MYCL: variants seen among roughly 807,000 people sequenced by gnomAD.
The protein encoded by MYCL is protein L-Myc.
MYCL carries 11 observed loss-of-function variants against 31.0 expected under a neutral mutation model. That is an observed-to-expected ratio of 0.35 (90% CI 0.22 to 0.59). MYCL has a LOEUF of 0.59. Among genes scored for constraint, MYCL ranks in the 20% least tolerant of loss-of-function variants. The pLI, the probability that MYCL is intolerant of heterozygous loss-of-function variation, is 0.79. For missense variants in MYCL, 427 were observed against 486.1 expected, an observed-to-expected ratio of 0.88 and a Z score of 1.14; for synonymous variants, 208 against 202.4, an observed-to-expected ratio of 1.03 and a Z score of -0.23.
At position 39,901,912 on chromosome 1, in the gene MYCL, G is replaced by A. The variant is rs1388714849; in HGVS notation, c.-478C>T. 1.3e-5 allele frequency: 14 copies of A among 1,114,928 alleles called. No individual in the cohort carries two copies. The highest frequency in any genetic ancestry group is 1.5e-5 in the Non-Finnish European group (14 of 908,804). 69.1% of individuals were successfully genotyped at this position (1,114,928 alleles called of 1,614,324 possible). ...ATGCGCGCCGCCGAGAGCGCGGCCCGCACTCACAAGCGCGCCCCCCCCGCG... is the reference window on the plus strand; with the variant it reads ...ATGCGCGCCGCCGAGAGCGCGGCCCACACTCACAAGCGCGCCCCCCCCGCG... On this transcript the variant is annotated 5_prime_UTR_variant, in exon 1 of 2. Transcript: ENST00000372816. This position sits in a 1 kb window ranked among gnomAD's most constrained non-coding sequence, Gnocchi z 6.9.
At position 39,901,812 on chromosome 1, in the gene MYCL, C is replaced by A; in HGVS notation, c.-378G>T. 7.8e-7 allele frequency: 1 copy of A among 1,276,780 alleles called. No homozygotes were observed. 79.1% of individuals were successfully genotyped at this position (1,276,780 alleles called of 1,614,324 possible). On this transcript the variant is annotated 5_prime_UTR_variant, in exon 1 of 2. Transcript: ENST00000372816. The surrounding 1 kb of genome is among the most constrained non-coding windows in gnomAD (Gnocchi z 6.9). ...CCTGGCCACCCGCAGCCTCACCTCG[C>A]TCCAGCCGCCCGCCACCTGGAGCGG...
rs1644481731 is a variant in MYCL, at chr1:39,896,255, A to G, written c.*1117T>C. On this transcript the variant is annotated 3_prime_UTR_variant, in exon 2 of 2. Transcript: ENST00000372816. Reference sequence around the variant, plus strand: ...TTCAGAAACGCCCAGATTCTGGGAAAGATATCTGATTCATGGCAGGCTGGA... The same window carrying G: ...TTCAGAAACGCCCAGATTCTGGGAAGGATATCTGATTCATGGCAGGCTGGA... 2.5e-5 allele frequency: 5 copies of G among 198,270 alleles called. No individual in the cohort carries two copies. The Admixed American group carries it at 3.0e-4, about 12-fold the overall frequency. The allele number at this position is 198,270 out of a possible 1,614,324, so 12.3% of individuals were successfully genotyped here.
At position 39,897,414 on chromosome 1, in the gene MYCL, C is replaced by T. The variant is rs1310180857; in HGVS notation, c.1053G>A (p.Gln351=). The change falls in exon 2 of 2, where the codon CAG becomes CAA. Residue 351 remains glutamine, a synonymous_variant. Transcript: ENST00000372816. This position sits in a 1 kb window ranked among gnomAD's most constrained non-coding sequence, Gnocchi z 4.3. ...ATEKRQLRCR[Q]QQLQKRIAYL... is the part of the protein sequence containing the mutation. ...ATGCAATTCTTTTCTGCAACTGCTG[C>T]TGCCGGCATCGGAGCTGTCTTTTCT... 1 of 1,610,228 alleles carries T rather than the reference C, an allele frequency of 6.2e-7. No homozygotes were observed. Among genetic ancestry groups the T allele is most frequent in the Non-Finnish European group, 8.5e-7 (1 of 1,177,044 alleles).
Position 39,899,915 on chromosome 1 carries a change from C to T in MYCL, c.496+1024G>A, listed in dbSNP as rs74067838. ...CCACAGTCTACACTCTACAAAAATA[C>T]CCTCTCCAGGATTTCTCACGGGTGT... On this transcript the variant is annotated intron_variant, in intron 1 of 1. Coordinates refer to ENST00000372816, the MANE Select transcript of MYCL (RefSeq NM_001033081.3). The T allele has an allele frequency of 1.2e-3, 1,196 of 985,422 alleles. 9 individuals are homozygous for T. The African/African-American group carries it at 0.018, about 15-fold the overall frequency. The allele number at this position is 985,422 out of a possible 1,614,324, so 61.0% of individuals were successfully genotyped here.
chr1:39,897,223 T>C lies in MYCL; in HGVS notation c.*149A>G, dbSNP rs188811133. 125 of 729,498 alleles carry C rather than the reference T, an allele frequency of 1.7e-4. No homozygotes were observed. In the East Asian group the frequency reaches 1.9e-3, roughly 11 times the overall value. The allele number at this position is 729,498 out of a possible 1,614,324, so 45.2% of individuals were successfully genotyped here. A position where few individuals can be genotyped will look rare whatever the true frequency, so the allele number is the denominator to read the frequency against. On this transcript the variant is annotated 3_prime_UTR_variant, in exon 2 of 2. Coordinates refer to ENST00000372816, the MANE Select transcript of MYCL (RefSeq NM_001033081.3). The surrounding 1 kb of genome is among the most constrained non-coding windows in gnomAD (Gnocchi z 4.3). ...AGGTTTCCAAGAATGCAAGCCTTTATTGTGTGTGCACCGGCTGCAATGCAT... is the reference window on the plus strand; with the variant it reads ...AGGTTTCCAAGAATGCAAGCCTTTACTGTGTGTGCACCGGCTGCAATGCAT...
At chr1:39,900,734 G>A (rs1644528401) in intron 1 of MYCL, 4 of 1,402,224 alleles carry the variant, frequency 2.9e-6, no homozygotes, top group African/African-American at 3.0e-5. Context: ...AGGGAGGCTG[G>A]CTCCCACGCC....
chr1:39,900,742 G>A (rs943535159), intron 1 of MYCL, 197 bp downstream of exon 1: 4 of 1,404,442 alleles, frequency 2.8e-6, no homozygotes, highest in Admixed American at 6.5e-5. Flanking sequence ...TGGCTCCCAC[G>A]CCACTTTTCC....
intron 1 of MYCL, chr1:39,898,786 G>C: frequency 4.1e-6 from 4 of 985,488 alleles, no homozygotes; most frequent in Non-Finnish European, 4.8e-6. Flanking sequence ...TCCCAGATAT[G>C]GGGCTCATAA....
intron 1 of MYCL, 97 bp from the exon 2 acceptor site, chr1:39,898,067 G>A (rs370548934): frequency 2.7e-6 from 4 of 1,498,922 alleles, no homozygotes; most frequent in Non-Finnish European, 3.5e-6. Flanking sequence ...GCTTGGGAAG[G>A]TAGGAGACAT....
At chr1:39,899,568 AC>A in intron 1 of MYCL, 10 of 966,000 alleles carry the variant, frequency 1.0e-5, no homozygotes, top group Non-Finnish European at 1.2e-5. Flanking sequence ...AAAATGTCCA[AC>A]TTCCAAAGCA....
chr1:39,897,434 T>C lies in MYCL; in HGVS notation c.1033A>G (p.Arg345Gly), dbSNP rs988206524. 39 of 1,613,480 alleles carry C rather than the reference T, an allele frequency of 2.4e-5. No homozygotes were observed. Among genetic ancestry groups the C allele is most frequent in the Non-Finnish European group, 3.2e-5 (38 of 1,179,518 alleles). Residue 345 changes from arginine to glycine, a missense_variant, in exon 2 of 2, where the codon AGA becomes GGA. Arg to Gly is a moderately radical substitution (Grantham distance 125, BLOSUM62 -2). Transcript: ENST00000372816. This position sits in a 1 kb window ranked among gnomAD's most constrained non-coding sequence, Gnocchi z 4.3. The part of the protein sequence containing the change: ...GAEKRMATEK[R>G]QLRCRQQQLQ... ...TGCTGCTGCCGGCATCGGAGCTGTC[T>C]TTTCTCTGTAGCCATCCTCTTCTCA...
Position 39,897,915 on chromosome 1 carries a change from C to T in MYCL, c.552G>A (p.Arg184=), listed in dbSNP as rs779226300. 1 of 1,614,126 alleles carries T rather than the reference C, an allele frequency of 6.2e-7. No homozygotes were observed. The highest frequency in any genetic ancestry group is 1.7e-5 in the Admixed American group (1 of 60,010). Reference sequence around the variant, plus strand: ...CTCGCACCGTGATGGTGACCGGCTTCCGAATACCCAGAGACTGCCTCTTCT... The same window carrying T: ...CTCGCACCGTGATGGTGACCGGCTTTCGAATACCCAGAGACTGCCTCTTCT... ...TVEKRQSLGI[R]KPVTITVRAD... The change falls in exon 2 of 2, where the codon CGG becomes CGA. Residue 184 remains arginine, a synonymous_variant. Transcript: ENST00000372816. The surrounding 1 kb of genome is among the most constrained non-coding windows in gnomAD (Gnocchi z 4.3).
chr1:39,900,642 C>T, intron 1 of MYCL: 1 of 1,305,876 alleles, frequency 7.7e-7, no homozygotes, highest in Non-Finnish European at 9.8e-7. Flanking sequence ...CAATCCCTTA[C>T]AGTCCAACCC....
chr1:39,895,578 T>C lies in MYCL; in HGVS notation c.*1794A>G, dbSNP rs1570179447. The C allele has an allele frequency of 8.8e-6, 2 of 227,760 alleles. No individual in the cohort carries two copies. Among genetic ancestry groups the C allele is most frequent in the South Asian group, 3.6e-4 (2 of 5,480 alleles). The allele number at this position is 227,760 out of a possible 1,614,324, so 14.1% of individuals were successfully genotyped here. On this transcript the variant is annotated 3_prime_UTR_variant, in exon 2 of 2. Transcript: ENST00000372816. ...AACAGGAAATTGCCCCAAGAGTTTT[T>C]TTCCTTGTACAAAAACAGTTAACAC...
chr1:39,900,798 G>A (rs1423792802), intron 1 of MYCL, 141 bp downstream of exon 1: 2 of 1,458,080 alleles, frequency 1.4e-6, no homozygotes, highest in Non-Finnish European at 1.8e-6. Flanking sequence ...CACGGTTGGG[G>A]ACTACACGGG....
In MYCL at chr1:39,896,976, C is replaced by G. The variant is rs1644488854; in HGVS notation, c.*396G>C. On this transcript the variant is annotated 3_prime_UTR_variant, in exon 2 of 2. Transcript: ENST00000372816. ...CCCCAGAGACACCAGTTGGGAGCAT[C>G]CTTTCCTAGCCTAAAGCTCATGCAG... is the stretch of plus-strand genomic sequence containing the variant. 1 of 219,742 alleles carries G rather than the reference C, an allele frequency of 4.6e-6. No homozygotes were observed. Among genetic ancestry groups the G allele is most frequent in the Admixed American group, 5.0e-5 (1 of 19,804 alleles). 13.6% of individuals were successfully genotyped at this position (219,742 alleles called of 1,614,324 possible).
rs1644531243 is a variant in MYCL, at chr1:39,900,972, C to T, written c.463G>A (p.Ala155Thr). The change falls in exon 1 of 2, where the codon GCC becomes ACC. Residue 155 changes from alanine to threonine, a missense_variant. Transcript: ENST00000372816. ...CTTGGGCTCTCGGACCCGGAGCAGG[C>T]CTGGGTCTTGGGTTCGCCCAGCGGA... ...PCPLGEPKTQ[A>T]CSGSESPSDS... 2.0e-6 allele frequency: 3 copies of T among 1,494,624 alleles called. No homozygotes were observed. The highest frequency in any genetic ancestry group is 5.0e-5 in the East Asian group (2 of 40,214). The allele number at this position is 1,494,624 out of a possible 1,614,324, so 92.6% of individuals were successfully genotyped here.
At position 39,901,363 on chromosome 1, in the gene MYCL, C is replaced by T. The variant is rs1198927124; in HGVS notation, c.72G>A (p.Ala24=). 5 of 1,611,482 alleles carry T rather than the reference C, an allele frequency of 3.1e-6. No individual in the cohort carries two copies. The highest frequency in any genetic ancestry group is 4.2e-6 in the Non-Finnish European group (5 of 1,179,206). Residue 24 remains alanine, a synonymous_variant, in exon 1 of 2, where the codon GCG becomes GCA. Transcript: ENST00000372816. This position sits in a 1 kb window ranked among gnomAD's most constrained non-coding sequence, Gnocchi z 6.9. ...DCGEDFYRST[A]PSEDIWKKFE... The stretch of plus-strand genomic sequence containing the variant: ...ATTTCTTCCAGATGTCCTCGCTGGG[C>T]GCCGTGGAGCGGTAGAAATCCTCCC...
rs778461584 is a variant in MYCL, at chr1:39,901,209, G to C, written c.226C>G (p.Arg76Gly). 2 of 1,612,870 alleles carry C rather than the reference G, an allele frequency of 1.2e-6. No homozygotes were observed. The highest frequency in any genetic ancestry group is 1.7e-6 in the Non-Finnish European group (2 of 1,179,574). ...CTGCCCCAGCCTTTCGAGTGGCCCC[G>C]GGATTCCGCTTCGTCTCCGGTGCAC... ...GGCTGDEAES[R>G]GHSKGWGRNY... Residue 76 changes from arginine to glycine, a missense_variant, in exon 1 of 2, where the codon CGG becomes GGG. By Grantham distance (125) the Arg-to-Gly change is moderately radical (BLOSUM62 -2). Transcript: ENST00000372816. The surrounding 1 kb of genome is among the most constrained non-coding windows in gnomAD (Gnocchi z 6.9).
Sources: allele counts gnomAD v4.1 joint callset, GRCh38; gene constraint gnomAD v4.1.1; non-coding constraint Gnocchi (gnomAD v3.1); transcripts MANE v1.5; gene names NCBI Gene and HGNC (gene_info 2026-07-23, HGNC 2026-07-21).